Variants in IMMT observed in about 807,000 individuals in gnomAD.
The protein encoded by IMMT is inner membrane mitochondrial protein, also known as MICOS complex subunit MIC60.
Under a neutral mutation model 92.7 loss-of-function variants are expected in IMMT, and 40 were observed. That is an observed-to-expected ratio of 0.43 (90% confidence interval 0.34 to 0.56). The LOEUF is 0.56. Ranked by LOEUF, IMMT falls within the 20% of genes least tolerant of loss-of-function variation. The probability of loss-of-function intolerance (pLI) is 0.03; values close to 1 mark genes in which losing one functional copy is unlikely to be tolerated. For synonymous variants in IMMT, 322 were observed against 336.1 expected, an observed-to-expected ratio of 0.96 and a Z score of 0.46; for missense variants, 831 against 912.1, an observed-to-expected ratio of 0.91 and a Z score of 1.14.
intron 11 of IMMT, among the ~76,000 whole-genome samples, chr2:86,152,088 A>C (rs371731760): frequency 6.6e-6 from 1 of 152,162 alleles, no homozygotes; most frequent in Admixed American, 6.5e-5. Flanking sequence ...GCTTAAACCA[A>C]TGTTTGTTTT....
chr2:86,189,546 A>C (rs1672990912), intron 1 of IMMT, among the ~76,000 whole-genome samples: 1 of 152,180 alleles, frequency 6.6e-6, no homozygotes, highest in Admixed American at 6.5e-5. Flanking sequence ...TGAAGACATA[A>C]AGAAACCACA....
Position 86,171,780 on chromosome 2 carries a change from A to G in IMMT, c.422-435T>C, listed in dbSNP as rs1222031553. ...GTGGTAGAAGACGTGTGAGCAGGAAAAAGATTACAGTTTTAAACAAAAAGA... is the reference window on the plus strand; with the variant it reads ...GTGGTAGAAGACGTGTGAGCAGGAAGAAGATTACAGTTTTAAACAAAAAGA... On this transcript the variant is annotated intron_variant, in intron 4 of 14. Coordinates refer to ENST00000410111, the MANE Select transcript of IMMT (RefSeq NM_006839.3). Among the ~76,000 whole-genome samples, 3 of 151,996 alleles carry G rather than the reference A, an allele frequency of 2.0e-5. 1 individual carries two copies. In the East Asian group the frequency reaches 5.8e-4, roughly 29 times the overall value.
intron 2 of IMMT, among the ~76,000 whole-genome samples, chr2:86,180,804 T>C (rs112167294): frequency 7.4e-4 from 112 of 151,756 alleles, no homozygotes; most frequent in African/African-American, 2.6e-3. Flanking sequence ...GAAAAATCGC[T>C]TGAACCTGGG....
intron 9 of IMMT, 22 bp downstream of exon 9, chr2:86,159,514 C>T (rs1676112846): frequency 1.3e-6 from 2 of 1,493,988 alleles, no homozygotes; most frequent in East Asian, 2.4e-5. Context: ...ATATAAAATA[C>T]TATAAGACTT....
At chr2:86,145,046 C>G (rs1359802659) in intron 14 of IMMT, among the ~76,000 whole-genome samples, 165 bp from the exon 15 acceptor site, 1 of 139,852 alleles carries the variant, frequency 7.2e-6, no homozygotes, top group African/African-American at 2.6e-5. Context: ...GTGTATTTTC[C>G]TAGCTGGCCT....
chr2:86,171,128 T>C (rs1677054100), intron 5 of IMMT, 80 bp downstream of exon 5: 1 of 1,215,328 alleles, frequency 8.2e-7, no homozygotes, highest in African/African-American at 1.5e-5. Flanking sequence ...GTATACTTAG[T>C]GTCTACGTGT....
chr2:86,190,429 A>G (rs905505788), intron 1 of IMMT, among the ~76,000 whole-genome samples: 1 of 152,208 alleles, frequency 6.6e-6, no homozygotes, highest in African/African-American at 2.4e-5. Flanking sequence ...AGCAGGAAAG[A>G]CTACTCCATA....
intron 1 of IMMT, 87 bp downstream of exon 1, chr2:86,195,251 G>C: frequency 7.2e-7 from 1 of 1,379,792 alleles, no homozygotes; most frequent in South Asian, 1.5e-5. Context: ...TTGTCCTGGA[G>C]GCTAGGCAGC....
intron 6 of IMMT, among the ~76,000 whole-genome samples, chr2:86,167,760 G>A (rs186893051): frequency 0.011 from 1,625 of 152,168 alleles, 8 homozygotes; most frequent in Non-Finnish European, 0.018. Context: ...GGGATTACAG[G>A]CGTGAGCCAC....
At chr2:86,155,592 G>C (rs148495514) in intron 10 of IMMT, among the ~76,000 whole-genome samples, 15 of 152,210 alleles carry the variant, frequency 9.9e-5, no homozygotes, top group African/African-American at 3.6e-4. Context: ...CTATTATTGC[G>C]TTTGGAAACT....
At chr2:86,163,499 T>C (rs1050135565) in intron 7 of IMMT, among the ~76,000 whole-genome samples, 9 of 152,176 alleles carry the variant, frequency 5.9e-5, no homozygotes, top group African/African-American at 1.9e-4. Flanking sequence ...ATTACTGTGG[T>C]TTGTTGCCAG....
chr2:86,194,767 C>T (rs1280162261), intron 1 of IMMT, among the ~76,000 whole-genome samples: 1 of 152,138 alleles, frequency 6.6e-6, no homozygotes, highest in African/African-American at 2.4e-5. Context: ...TCCTTGAAGA[C>T]CAGGAGTTTC....
chr2:86,149,407 T>C (rs1675293651), intron 12 of IMMT, among the ~76,000 whole-genome samples: 1 of 152,258 alleles, frequency 6.6e-6, no homozygotes, highest in South Asian at 2.1e-4. Context: ...GGTTAAGAAT[T>C]TGGAATTATA....
At position 86,144,771 on chromosome 2, in the gene IMMT, G is replaced by A. The variant is rs1032915760; in HGVS notation, c.1774C>T (p.Leu592=). The change falls in exon 15 of 15, where the codon CTG becomes TTG. Residue 592 remains leucine (L), a synonymous_variant. Transcript: ENST00000410111. ...TTGATGGCCTCAACTGCACTACCCA[G>A]CGGGATAGTAGGTGTTTCTGCAGAT... ...TSSAETPTIP[L]GSAVEAIKAN... is the part of the protein sequence containing the mutation. 2 of 1,613,512 alleles carry A rather than the reference G, an allele frequency of 1.2e-6. No homozygotes were observed. The highest frequency in any genetic ancestry group is 2.7e-5 in the African/African-American group (2 of 74,906).
In IMMT at chr2:86,179,586, C is replaced by A. The variant is rs1677688081; in HGVS notation, c.156G>T (p.Leu52Phe). ...TTGKIAGAGL[L>F]FVGGGIGGTI... ...TGCCACCAATACCTCCACCAACAAA[C>A]AAAAGGCCAGCTCCAGCAATTTTGC... Residue 52 changes from leucine to phenylalanine, a missense_variant, in exon 3 of 15, where the codon TTG becomes TTT. Transcript: ENST00000410111. 1.2e-6 allele frequency: 2 copies of A among 1,600,138 alleles called. No homozygotes were observed. Among genetic ancestry groups the A allele is most frequent in the Non-Finnish European group, 1.7e-6 (2 of 1,176,318 alleles).
intron 5 of IMMT, among the ~76,000 whole-genome samples, 179 bp from the exon 6 acceptor site, chr2:86,171,023 T>A (rs1337606784): frequency 1.3e-5 from 2 of 152,182 alleles, no homozygotes; most frequent in South Asian, 2.1e-4. Flanking sequence ...GAAATAGGAA[T>A]CAGGCTTTAA....
chr2:86,146,119 C>G lies in IMMT; in HGVS notation c.1612G>C (p.Asp538His), dbSNP rs1378913994. Residue 538 changes from aspartate to histidine, a missense_variant, in exon 14 of 15, where the codon GAT (aspartate) becomes CAT (histidine). Transcript: ENST00000410111. ...AGTCTGGCATAGGCAGTATTTATAT[C>G]CAGAGTAAAGTTGTCAACTTGCTCT... Reference protein sequence around the residue: ...SQEQVDNFTLDINTAYARLRG... With the variant: ...SQEQVDNFTLHINTAYARLRG... 6.2e-7 allele frequency: 1 copy of G among 1,608,746 alleles called. No individual in the cohort carries two copies. The highest frequency in any genetic ancestry group is 8.5e-7 in the Non-Finnish European group (1 of 1,176,454).
intron 7 of IMMT, among the ~76,000 whole-genome samples, chr2:86,163,959 CA>C (rs70953998): frequency 4.4e-5 from 4 of 91,920 alleles, no homozygotes; most frequent in Non-Finnish European, 4.6e-5. Flanking sequence ...ACTCCATCTC[CA>C]AAAAAAAAGA....
rs778224694 is a variant in IMMT at position 86,147,808 on chromosome 2, T to G, written c.1427A>C (p.Glu476Ala). ...GCGAAGCTGGGTTCTCATTTCATTT[T>G]CCATGGCATCTCTGACTTCTTCTAT... ...RKIEEVRDAM[E>A]NEMRTQLRRQ... Residue 476 changes from glutamate (E) to alanine (A), a missense_variant, in exon 13 of 15, where the codon GAA (glutamate) becomes GCA (alanine). Glu to Ala is a moderately radical substitution (Grantham distance 107, BLOSUM62 -1). Transcript: ENST00000410111. 6 of 1,613,822 alleles carry G rather than the reference T, an allele frequency of 3.7e-6. No homozygotes were observed. The highest frequency in any genetic ancestry group is 5.1e-6 in the Non-Finnish European group (6 of 1,179,856).
Sources: allele counts gnomAD v4.1 joint callset (sites outside exome capture counted in the v4.1 genomes callset), GRCh38; gene constraint gnomAD v4.1.1; transcripts MANE v1.5; gene names NCBI Gene and HGNC (gene_info 2026-07-23, HGNC 2026-07-21).